Variants in PHAX observed in about 807,000 individuals in gnomAD.
PHAX encodes phosphorylated adapter RNA export protein.
A neutral mutation model predicts 41.6 loss-of-function variants in PHAX; 31 were observed. The ratio of observed to expected loss-of-function variants is 0.75; its 90% CI spans 0.56 to 1.01. PHAX has a LOEUF of 1.01. Among genes scored for constraint, PHAX ranks in the 50% least tolerant of loss-of-function variants. The pLI, the probability that PHAX is intolerant of heterozygous loss-of-function variation, is 0.00. For missense variants in PHAX, 453 were observed against 472.9 expected, an observed-to-expected ratio of 0.96 and a Z score of 0.39; for synonymous variants, 175 against 164.9, an observed-to-expected ratio of 1.06 and a Z score of -0.47.
intron 4 of PHAX, among the ~76,000 whole-genome samples, chr5:126,619,876 C>A (rs1405168362): frequency 6.6e-6 from 1 of 152,178 alleles, no homozygotes; most frequent in African/African-American, 2.4e-5. Flanking sequence ...GAGAACTAAA[C>A]TCTTGCATAG....
intron 3 of PHAX, 86 bp from the exon 4 acceptor site, chr5:126,617,164 C>G: frequency 1.4e-6 from 1 of 705,658 alleles, no homozygotes; most frequent in Non-Finnish European, 2.4e-6. Context: ...TTTCTTCTAT[C>G]CCCTTAATTG....
At chr5:126,604,220 T>C in intron 2 of PHAX, 37 bp downstream of exon 2, 1 of 1,489,762 alleles carries the variant, frequency 6.7e-7, no homozygotes, top group Non-Finnish European at 9.0e-7. Flanking sequence ...CTTGACCAGA[T>C]GGCTTCTATT....
At chr5:126,605,382 T>C (rs1424293494) in intron 2 of PHAX, among the ~76,000 whole-genome samples, 35 of 152,030 alleles carry the variant, frequency 2.3e-4, no homozygotes, top group Admixed American at 2.3e-3. Context: ...AATACATTCG[T>C]AATGTATTTT....
At chr5:126,607,558 C>T (rs1361846946) in intron 2 of PHAX, among the ~76,000 whole-genome samples, 3 of 152,028 alleles carry the variant, frequency 2.0e-5, no homozygotes, top group African/African-American at 7.2e-5. Context: ...CATGTGCCAC[C>T]ACACCCAGCT....
chr5:126,607,521 A>T (rs938852435), intron 2 of PHAX, among the ~76,000 whole-genome samples: 3 of 148,662 alleles, frequency 2.0e-5, no homozygotes, highest in African/African-American at 7.5e-5. Flanking sequence ...CTCCTGCCTC[A>T]GCCTCCCAAG....
intron 1 of PHAX, among the ~76,000 whole-genome samples, chr5:126,603,240 A>AC (rs397799992): frequency 1.1e-4 from 17 of 152,022 alleles, no homozygotes; most frequent in Non-Finnish European, 1.9e-4. Flanking sequence ...AAAAAAAAAA[A>AC]GTAACAATTA....
chr5:126,624,687 T>A lies in PHAX; in HGVS notation c.1028T>A (p.Phe343Tyr). The change falls in exon 5 of 5, where the codon TTT becomes TAT. Residue 343 changes from phenylalanine (F) to tyrosine (Y), a missense_variant. Phe to Tyr is a conservative substitution (Grantham distance 22). Transcript: ENST00000297540. ...AAACAAGCTATTAAAAGTCTAAATT[T>A]TCAAGAAGATGATGATACATCACGA... is the stretch of plus-strand genomic sequence containing the variant. ...KMKQAIKSLN[F>Y]QEDDDTSRET... 1 of 1,614,150 alleles carries A rather than the reference T, an allele frequency of 6.2e-7. No individual in the cohort carries two copies. Among genetic ancestry groups the A allele is most frequent in the Non-Finnish European group, 8.5e-7 (1 of 1,180,012 alleles).
intron 4 of PHAX, among the ~76,000 whole-genome samples, chr5:126,621,170 G>T (rs1752265721): frequency 6.6e-6 from 1 of 152,174 alleles, no homozygotes; most frequent in Admixed American, 6.6e-5. Context: ...GATTACAGGT[G>T]TGAGCCACTG....
chr5:126,608,276 C>T (rs1190885870), intron 2 of PHAX, 88 bp from the exon 3 acceptor site: 2 of 1,432,278 alleles, frequency 1.4e-6, no homozygotes, highest in African/African-American at 2.9e-5. Flanking sequence ...TTACTAGAAT[C>T]AGATTTTTAT....
intron 4 of PHAX, among the ~76,000 whole-genome samples, chr5:126,621,613 A>T (rs1752274014): frequency 6.6e-6 from 1 of 152,218 alleles, no homozygotes; most frequent in South Asian, 2.1e-4. Flanking sequence ...AACTTGACTA[A>T]GTTTGTTTTC....
At position 126,603,931 on chromosome 5, in the gene PHAX, A is replaced by G. The variant is rs746624625; in HGVS notation, c.458A>G (p.Asn153Ser). The G allele has an allele frequency of 1.2e-6, 2 of 1,612,220 alleles. No homozygotes were observed. Among genetic ancestry groups the G allele is most frequent in the Admixed American group, 3.3e-5 (2 of 59,810 alleles). ...IDRSRQSETY[N>S]YLLAKKLRKE... ...AGAAGCAGACAATCCGAGACCTACA[A>G]TTATTTGCTTGCCAAGAAACTTAGG... The change falls in exon 2 of 5, where the codon AAT (asparagine) becomes AGT (serine). Residue 153 changes from asparagine (N) to serine (S), a missense_variant. Coordinates refer to ENST00000297540, the MANE Select transcript of PHAX (RefSeq NM_032177.4).
intron 3 of PHAX, among the ~76,000 whole-genome samples, chr5:126,614,043 G>A (rs1212941551): frequency 2.0e-5 from 3 of 151,590 alleles, no homozygotes; most frequent in Admixed American, 2.0e-4. Context: ...GATTACAGGT[G>A]TGAGCCATTG....
chr5:126,608,987 A>T (rs1419961597), intron 3 of PHAX, among the ~76,000 whole-genome samples: 3 of 151,810 alleles, frequency 2.0e-5, no homozygotes, highest in Non-Finnish European at 4.4e-5. Context: ...TTGTTTTTGC[A>T]GTTAGTACTT....
chr5:126,617,487 A>AT (rs1157764880), intron 4 of PHAX, among the ~76,000 whole-genome samples, 154 bp downstream of exon 4: 5 of 151,540 alleles, frequency 3.3e-5, no homozygotes, highest in African/African-American at 7.3e-5. Context: ...TTATTTATTT[A>AT]TTTATTTTTG....
rs71573966 is a variant in PHAX, at chr5:126,626,735, CAA to C, written c.*1907_*1908del. ...CTGGCGACAGAGCGAGACTCCCTCT[CAA>C]AAAAAAAAAAAAAAATACAAAAAAT... On this transcript the variant is annotated 3_prime_UTR_variant, in exon 5 of 5. Transcript: ENST00000297540. 3.1e-4 allele frequency: 24 copies of C among 77,802 alleles called. 1 individual carries two copies. The highest frequency in any genetic ancestry group is 7.9e-4 in the African/African-American group (16 of 20,240). The allele number at this position is 77,802 out of a possible 1,614,324, so 4.8% of individuals were successfully genotyped here.
chr5:126,601,193 T>C (rs562193989), intron 1 of PHAX, 135 bp downstream of exon 1: 1 of 629,306 alleles, frequency 1.6e-6, no homozygotes, highest in Admixed American at 3.6e-5. Context: ...GGCTGTCGGG[T>C]CAGTGGCCGC....
At position 126,603,908 on chromosome 5, in the gene PHAX, A is replaced by C. The variant is rs1241507491; in HGVS notation, c.435A>C (p.Arg145Ser). The C allele has an allele frequency of 6.2e-7, 1 of 1,613,120 alleles. No individual in the cohort carries two copies. The highest frequency in any genetic ancestry group is 2.2e-5 in the East Asian group (1 of 44,842). Residue 145 changes from arginine (R) to serine (S), a missense_variant, in exon 2 of 5, where the codon AGA (arginine) becomes AGC (serine). Coordinates refer to ENST00000297540, the MANE Select transcript of PHAX (RefSeq NM_032177.4). ...TGGGAATGGAGGGCACTATTGACAG[A>C]AGCAGACAATCCGAGACCTACAATT... ...GILGMEGTID[R>S]SRQSETYNYL...
chr5:126,601,180 C>A, intron 1 of PHAX, 122 bp downstream of exon 1: 1 of 683,948 alleles, frequency 1.5e-6, no homozygotes, highest in African/African-American at 1.9e-5. Context: ...AGCGAGGAGC[C>A]CAGGCTGTCG....
At position 126,615,549 on chromosome 5, in the gene PHAX, GT is replaced by G. The variant is rs1355511482; in HGVS notation, c.832-1698del. Among the ~76,000 whole-genome samples the G allele has an allele frequency of 2.4e-5, 3 of 126,858 alleles. No individual in the cohort carries two copies. The Admixed American group carries it at 2.6e-4, about 11-fold the overall frequency. 83.2% of individuals were successfully genotyped at this position (126,858 alleles called of 152,430 possible). ...TTTGCGCCCCTCTGGGGATTTTGCT[GT>G]TTAAAATGGCCCCTCCAAGGGTAGT... is the stretch of plus-strand genomic sequence containing the variant. On this transcript the variant is annotated intron_variant, in intron 3 of 4. Coordinates refer to ENST00000297540, the MANE Select transcript of PHAX (RefSeq NM_032177.4).
Sources: allele counts gnomAD v4.1 joint callset (sites outside exome capture counted in the v4.1 genomes callset), GRCh38; gene constraint gnomAD v4.1.1; transcripts MANE v1.5; gene names NCBI Gene and HGNC (gene_info 2026-07-23, HGNC 2026-07-21).